The following LHFPL3 variants were observed in gnomAD, a reference collection of about 807,000 sequenced individuals.
The protein encoded by LHFPL3 is LHFPL tetraspan subfamily member 3.
In LHFPL3, 5 loss-of-function variants were observed where a neutral mutation model predicts 19.3. That is an observed-to-expected ratio of 0.26 (90% CI 0.14 to 0.54). The LOEUF is 0.54. Ranked by LOEUF, LHFPL3 falls within the 20% of genes least tolerant of loss-of-function variation. LHFPL3 has a pLI of 0.94. For missense variants in LHFPL3, 249 were observed against 307.4 expected (o/e 0.81, Z 1.42); for synonymous variants, 133 against 126.2 (o/e 1.05, Z -0.36).
At chr7:104,655,511 C>T (rs1584463571) in intron 1 of LHFPL3, among the ~76,000 whole-genome samples, 1 of 152,126 alleles carries the variant, frequency 6.6e-6, no homozygotes, top group South Asian at 2.1e-4. Flanking sequence ...TGCTAAAGGG[C>T]CACAGACAAA....
intron 1 of LHFPL3, among the ~76,000 whole-genome samples, chr7:104,490,098 T>C (rs1793313797): frequency 6.6e-6 from 1 of 152,200 alleles, no homozygotes; most frequent in South Asian, 2.1e-4. Flanking sequence ...TTAGGCAGTT[T>C]TGCAGTTAAT....
chr7:104,767,135 A>G (rs1584523038), intron 2 of LHFPL3, among the ~76,000 whole-genome samples: 1 of 152,368 alleles, frequency 6.6e-6, no homozygotes, highest in South Asian at 2.1e-4. Context: ...CTGAAGAGTG[A>G]CATTTCTCAA....
chr7:104,440,040 G>GGC (rs1554394374), intron 1 of LHFPL3, among the ~76,000 whole-genome samples: 1 of 143,510 alleles, frequency 7.0e-6, no homozygotes, highest in Non-Finnish European at 1.5e-5. Context: ...AAGCCTGGGG[G>GGC]GGGGGAGGGA....
At chr7:104,593,070 T>C (rs1392166999) in intron 1 of LHFPL3, among the ~76,000 whole-genome samples, 1 of 152,180 alleles carries the variant, frequency 6.6e-6, no homozygotes. Flanking sequence ...TTATTTCTTA[T>C]CTTCTGCTAG....
At chr7:104,363,628 G>A (rs958991486) in intron 1 of LHFPL3, among the ~76,000 whole-genome samples, 1 of 152,204 alleles carries the variant, frequency 6.6e-6, no homozygotes, top group African/African-American at 2.4e-5. Flanking sequence ...TTGTGCAAGC[G>A]CTAACCTTGA....
At chr7:104,369,239 T>C (rs1790561843) in intron 1 of LHFPL3, among the ~76,000 whole-genome samples, 3 of 152,212 alleles carry the variant, frequency 2.0e-5, no homozygotes, top group Admixed American at 6.5e-5. Context: ...AAGTTCCACC[T>C]CTAGCCTCAT....
chr7:104,700,109 CTT>C (rs1174815152), intron 1 of LHFPL3, among the ~76,000 whole-genome samples: 2 of 152,230 alleles, frequency 1.3e-5, no homozygotes, highest in African/African-American at 4.8e-5. Flanking sequence ...CTCTAGGCAT[CTT>C]TCACATCCTT....
At chr7:104,730,216 T>A (rs1039043149) in intron 1 of LHFPL3, among the ~76,000 whole-genome samples, 1 of 152,236 alleles carries the variant, frequency 6.6e-6, no homozygotes, top group Non-Finnish European at 1.5e-5. Flanking sequence ...CGTGTACATG[T>A]GTCTTTATAG....
At chr7:104,855,749 G>T (rs1054160515) in intron 2 of LHFPL3, among the ~76,000 whole-genome samples, 1 of 151,768 alleles carries the variant, frequency 6.6e-6, no homozygotes, top group Non-Finnish European at 1.5e-5. Context: ...TCAGCTTCAC[G>T]AGTAGCTGGG....
intron 1 of LHFPL3, among the ~76,000 whole-genome samples, chr7:104,386,846 A>C (rs1485097432): frequency 1.3e-5 from 2 of 152,300 alleles, no homozygotes; most frequent in East Asian, 3.9e-4. Context: ...ACAAAAACAC[A>C]AAAGAGCACC....
chr7:104,779,626 A>C (rs1443746925), intron 2 of LHFPL3, among the ~76,000 whole-genome samples: 1 of 152,162 alleles, frequency 6.6e-6, no homozygotes, highest in Non-Finnish European at 1.5e-5. Flanking sequence ...TGGATGAGTG[A>C]CCTCTGCACA....
intron 2 of LHFPL3, among the ~76,000 whole-genome samples, chr7:104,745,194 T>A (rs1794017034): frequency 6.6e-6 from 1 of 152,002 alleles, no homozygotes; most frequent in Admixed American, 6.6e-5. Flanking sequence ...TCCGCAGGAG[T>A]CGGCTGCAGG....
chr7:104,609,634 C>T (rs1432691736), intron 1 of LHFPL3, among the ~76,000 whole-genome samples: 4 of 152,134 alleles, frequency 2.6e-5, no homozygotes, highest in Non-Finnish European at 5.9e-5. Context: ...TTACACAGTG[C>T]CCATAAAACA....
chr7:104,738,746 C>G (rs1793876807), intron 2 of LHFPL3: 1 of 152,140 alleles, frequency 6.6e-6, no homozygotes, highest in South Asian at 2.1e-4. Context: ...ATTGGTCTTT[C>G]CTTCTGGTTG....
intron 2 of LHFPL3, among the ~76,000 whole-genome samples, chr7:104,874,698 C>G (rs976493348): frequency 6.6e-6 from 1 of 152,018 alleles, no homozygotes; most frequent in African/African-American, 2.4e-5. Flanking sequence ...CATGAGCCAC[C>G]GCGCCCAGCT....
At chr7:104,417,281 T>A (rs1233082166) in intron 1 of LHFPL3, among the ~76,000 whole-genome samples, 1 of 152,238 alleles carries the variant, frequency 6.6e-6, no homozygotes, top group Non-Finnish European at 1.5e-5. Context: ...TGTCTTCAAC[T>A]GCATATTCAC....
chr7:104,822,638 G>A (rs775924502), intron 2 of LHFPL3, among the ~76,000 whole-genome samples: 2 of 152,170 alleles, frequency 1.3e-5, no homozygotes, highest in Non-Finnish European at 2.9e-5. Context: ...CCAGAGGAAG[G>A]AATAGTTTTT....
chr7:104,617,952 C>T (rs1261057435), intron 1 of LHFPL3, among the ~76,000 whole-genome samples: 1 of 152,190 alleles, frequency 6.6e-6, no homozygotes, highest in Non-Finnish European at 1.5e-5. Flanking sequence ...ATCAAATCAT[C>T]TCACTGAACA....
At chr7:104,617,592 G>A (rs964369629) in intron 1 of LHFPL3, among the ~76,000 whole-genome samples, 6 of 152,124 alleles carry the variant, frequency 3.9e-5, no homozygotes, top group East Asian at 1.9e-4. Context: ...TTTCCTAGAC[G>A]CTTTCTAATG....
Sources: allele counts gnomAD v4.1 joint callset (sites outside exome capture counted in the v4.1 genomes callset), GRCh38; gene constraint gnomAD v4.1.1; transcripts MANE v1.5; gene names NCBI Gene and HGNC (gene_info 2026-07-23, HGNC 2026-07-21).